Variants in UBAP2 observed in about 807,000 individuals in gnomAD.
UBAP2 encodes ubiquitin-associated protein 2.
In UBAP2, 75 loss-of-function variants were observed where a neutral mutation model predicts 139.6. The observed-to-expected ratio is 0.54, with a 90% CI of 0.45 to 0.65. UBAP2 has a LOEUF of 0.65. Among genes scored for constraint, UBAP2 ranks in the 30% least tolerant of loss-of-function variants. UBAP2 has a pLI of 0.00. For synonymous variants in UBAP2, 526 were observed against 526.2 expected (o/e 1.00, Z 0.01); for missense variants, 1,368 against 1,369.6 (o/e 1.00, Z 0.02).
intron 19 of UBAP2, among the ~76,000 whole-genome samples, chr9:33,929,008 CAT>C (rs1051418575): frequency 6.6e-6 from 1 of 152,216 alleles, no homozygotes; most frequent in African/African-American, 2.4e-5. Context: ...CAGCCAAAAA[CAT>C]GGTTTCCTGG....
intron 22 of UBAP2, among the ~76,000 whole-genome samples, chr9:33,926,305 A>T (rs1015522359): frequency 2.8e-4 from 43 of 152,224 alleles, no homozygotes; most frequent in South Asian, 1.2e-3. Flanking sequence ...TTTTCTTTTT[A>T]AAAAAGAGAG....
At chr9:33,945,279 A>G (rs916834777) in intron 13 of UBAP2, among the ~76,000 whole-genome samples, 1 of 152,302 alleles carries the variant, frequency 6.6e-6, no homozygotes, top group African/African-American at 2.4e-5. Context: ...CAGGCAGATC[A>G]CGAAGTCAGG....
intron 4 of UBAP2, among the ~76,000 whole-genome samples, chr9:33,992,663 G>C (rs558265030): frequency 1.3e-4 from 20 of 148,524 alleles, no homozygotes; most frequent in African/African-American, 3.7e-4. Flanking sequence ...GGCGGAGGGG[G>C]GGGGGCACAA....
At chr9:33,960,780 C>T in intron 10 of UBAP2, 46 bp downstream of exon 10, 1 of 1,313,900 alleles carries the variant, frequency 7.6e-7, no homozygotes, top group Non-Finnish European at 1.0e-6. Context: ...AATTCCATTT[C>T]AAAAAAAAAA....
chr9:33,998,691 G>C (rs1215887497), intron 3 of UBAP2, 96 bp downstream of exon 3: 4 of 1,135,194 alleles, frequency 3.5e-6, no homozygotes, highest in Non-Finnish European at 5.0e-6. Flanking sequence ...GAAGCTAGAA[G>C]TAATACTTTA....
chr9:33,985,701 G>C (rs375879109), intron 6 of UBAP2, among the ~76,000 whole-genome samples: 1 of 152,040 alleles, frequency 6.6e-6, no homozygotes, highest in Admixed American at 6.6e-5. Context: ...AGAGAGATTG[G>C]TGGATAGGTT....
At position 34,017,173 on chromosome 9, in the gene UBAP2, T is replaced by C. The variant is rs1824441597; in HGVS notation, c.-25A>G. 10 of 1,507,864 alleles carry C rather than the reference T, an allele frequency of 6.6e-6. No individual in the cohort carries two copies. In the East Asian group the frequency reaches 1.9e-4, roughly 29 times the overall value. The allele number at this position is 1,507,864 out of a possible 1,614,324, so 93.4% of individuals were successfully genotyped here. On this transcript the variant is annotated 5_prime_UTR_variant, in exon 2 of 29. Transcript: ENST00000379238. ...TATACAGTATATACAAAATAATGTA[T>C]GTACAAAATAGAAAATCTGCAAGAA...
intron 1 of UBAP2, among the ~76,000 whole-genome samples, chr9:34,033,509 G>C (rs979052616): frequency 1.3e-5 from 2 of 152,038 alleles, no homozygotes; most frequent in African/African-American, 4.8e-5. Context: ...TGGTTATTGA[G>C]TACAAAAATA....
intron 9 of UBAP2, among the ~76,000 whole-genome samples, chr9:33,962,669 T>TAAAA (rs1361280410): frequency 4.9e-4 from 68 of 139,848 alleles, no homozygotes; most frequent in Admixed American, 1.6e-3. Context: ...AATAAATAAA[T>TAAAA]AAATAAATAA....
At chr9:33,932,734 G>C in intron 18 of UBAP2, 106 bp from the exon 19 acceptor site, 3 of 1,200,472 alleles carry the variant, frequency 2.5e-6, no homozygotes, top group Non-Finnish European at 3.6e-6. Context: ...ATAGTCCCTA[G>C]CACAGGACCG....
At chr9:33,975,461 T>C (rs1173535771) in intron 6 of UBAP2, among the ~76,000 whole-genome samples, 1 of 141,776 alleles carries the variant, frequency 7.1e-6, no homozygotes, top group African/African-American at 2.6e-5. Flanking sequence ...AAAAACCAAG[T>C]GTTGACAAAG....
At chr9:34,016,689 A>G (rs1006991950) in intron 2 of UBAP2, among the ~76,000 whole-genome samples, 4 of 151,122 alleles carry the variant, frequency 2.6e-5, no homozygotes, top group African/African-American at 9.7e-5. Flanking sequence ...CCGAGAAGCT[A>G]GGATTACAGG....
chr9:33,963,605 T>C, intron 9 of UBAP2, 121 bp downstream of exon 9: 2 of 585,858 alleles, frequency 3.4e-6, no homozygotes, highest in African/African-American at 1.9e-5. Context: ...AATAAATAGG[T>C]ATAGTTTACA....
chr9:34,043,159 T>C (rs1193909850), intron 1 of UBAP2, among the ~76,000 whole-genome samples: 1 of 152,158 alleles, frequency 6.6e-6, no homozygotes, highest in East Asian at 1.9e-4. Context: ...TCATATATCA[T>C]CTACGGTATG....
Position 34,017,181 on chromosome 9 carries a change from A to G in UBAP2, c.-33T>C. 6.8e-7 allele frequency: 1 copy of G among 1,476,486 alleles called. No homozygotes were observed. Among genetic ancestry groups the G allele is most frequent in the Non-Finnish European group, 9.1e-7 (1 of 1,093,384 alleles). The allele number at this position is 1,476,486 out of a possible 1,614,324, so 91.5% of individuals were successfully genotyped here. A position where few individuals can be genotyped will look rare whatever the true frequency, so the allele number is the denominator to read the frequency against. ...ATATACAAAATAATGTATGTACAAA[A>G]TAGAAAATCTGCAAGAAAGTAGGGA... On this transcript the variant is annotated 5_prime_UTR_variant, in exon 2 of 29. Transcript: ENST00000379238.
intron 8 of UBAP2, among the ~76,000 whole-genome samples, chr9:33,970,132 C>T (rs1377531569): frequency 6.6e-6 from 1 of 150,912 alleles, no homozygotes; most frequent in Non-Finnish European, 1.5e-5. Context: ...CGGAGTTTCA[C>T]CATGTTGCCC....
intron 1 of UBAP2, among the ~76,000 whole-genome samples, chr9:34,029,556 C>G (rs935954483): frequency 1.3e-5 from 2 of 151,632 alleles, no homozygotes; most frequent in Non-Finnish European, 2.9e-5. Context: ...TATACATAGG[C>G]CAGGCCCAGT....
At chr9:34,009,934 A>G (rs1364336066) in intron 2 of UBAP2, among the ~76,000 whole-genome samples, 1 of 150,974 alleles carries the variant, frequency 6.6e-6, no homozygotes, top group Non-Finnish European at 1.5e-5. Flanking sequence ...CAGCCTCCCA[A>G]GTAGCTGGGA....
chr9:34,045,918 C>T (rs141478082), intron 1 of UBAP2, among the ~76,000 whole-genome samples: 1 of 152,238 alleles, frequency 6.6e-6, no homozygotes, highest in African/African-American at 2.4e-5. Flanking sequence ...TCTTTGCCTT[C>T]CTTCAGGTTG....
Sources: gnomAD v4.1 joint callset for allele counts (sites outside exome capture counted in the v4.1 genomes callset) on GRCh38, gnomAD v4.1.1 for gene constraint, MANE v1.5 for transcripts, NCBI Gene and HGNC (gene_info 2026-07-23, HGNC 2026-07-21) for gene names.